The following TACC3 variants were observed in gnomAD, a reference collection of about 807,000 sequenced individuals.
TACC3 encodes transforming acidic coiled-coil-containing protein 3.
TACC3 carries 52 observed loss-of-function variants against 86.0 expected under a neutral mutation model. That is an observed-to-expected ratio of 0.60 (90% CI 0.48 to 0.76). The LOEUF is 0.76. Among genes scored for constraint, TACC3 ranks in the 30% least tolerant of loss-of-function variants. The pLI is 0.00. For missense variants in TACC3, 1,120 were observed against 1,070.4 expected, an observed-to-expected ratio of 1.05 and a Z score of -0.65; for synonymous variants, 512 against 430.0, an observed-to-expected ratio of 1.19 and a Z score of -2.36.
upstream of TACC3, chr4:1,720,773 G>C (rs1337904370): frequency 1.3e-6 from 2 of 1,593,022 alleles, no homozygotes; most frequent in Non-Finnish European, 1.7e-6. This position sits in a 1 kb window ranked among gnomAD's most constrained non-coding sequence, Gnocchi z 4.4. Context: ...CTCGTTGGGC[G>C]TGAACACGAA....
At position 1,735,602 on chromosome 4, in the gene TACC3, T is replaced by TGGGTGACCGGGGGTGGGAGTGTGC. The variant is rs367567812; in HGVS notation, c.1645-104_1645-81dup. The TGGGTGACCGGGGGTGGGAGTGTGC allele has an allele frequency of 1.5e-5, 12 of 816,966 alleles. No homozygotes were observed. The East Asian group carries it at 1.5e-4, about 10-fold the overall frequency. The allele number at this position is 816,966 out of a possible 1,614,324, so 50.6% of individuals were successfully genotyped here. A position where few individuals can be genotyped will look rare whatever the true frequency, so the allele number is the denominator to read the frequency against. On this transcript the variant is annotated intron_variant, in intron 7 of 15. Coordinates refer to ENST00000313288, the MANE Select transcript of TACC3 (RefSeq NM_006342.3). The surrounding 1 kb of genome is among the most constrained non-coding windows in gnomAD (Gnocchi z 4.2). ...AATGGTGGTGTCTCGGGCAGGGTTG[T>TGGGTGACCGGGGGTGGGAGTGTGC]GGGTGACCGGGGGTGGGAGTGTGCG...
upstream of TACC3, chr4:1,720,721 G>A: frequency 5.8e-6 from 9 of 1,562,852 alleles, no homozygotes; most frequent in Non-Finnish European, 7.8e-6. The surrounding 1 kb of genome is among the most constrained non-coding windows in gnomAD (Gnocchi z 4.4). Context: ...TGCCCAGCCA[G>A]CCCGACAGCA....
At chr4:1,739,593 G>A (rs989587057) in intron 10 of TACC3, 109 bp from the exon 11 acceptor site, 1 of 1,023,860 alleles carries the variant, frequency 9.8e-7, no homozygotes, top group South Asian at 1.5e-5. Context: ...CTGTGCCTCT[G>A]GGACATTGCT....
chr4:1,739,665 G>T, intron 10 of TACC3, 37 bp from the exon 11 acceptor site: 1 of 1,551,882 alleles, frequency 6.4e-7, no homozygotes, highest in Non-Finnish European at 8.7e-7. Context: ...GGTCAGTCTG[G>T]CCCGCCTGCC....
At position 1,729,261 on chromosome 4, in the gene TACC3, G is replaced by C. The variant is rs140168411; in HGVS notation, c.1385+474G>C. 4.5e-3 allele frequency among the ~76,000 whole-genome samples: 682 copies of C among 152,252 alleles called. 4 individuals are homozygous for C. Among genetic ancestry groups the C allele is most frequent in the African/African-American group, 0.016 (658 of 41,532 alleles). On this transcript the variant is annotated intron_variant, in intron 4 of 15. Coordinates refer to ENST00000313288, the MANE Select transcript of TACC3 (RefSeq NM_006342.3). ...GAGTTGCTCAGTGGGAGATTGTCCT[G>C]CCTGTAGGGTCCAGCCCTACTGGGT... is the stretch of plus-strand genomic sequence containing the variant.
chr4:1,728,211 G>T lies in TACC3; in HGVS notation c.809G>T (p.Gly270Val). Reference sequence around the variant, plus strand: ...GGAGCACCCCTGCAGGGTCTGCCTGGCGAAGCCCTGGGCTGCCCTGCGGGT... The same window carrying T: ...GGAGCACCCCTGCAGGGTCTGCCTGTCGAAGCCCTGGGCTGCCCTGCGGGT... ...CGGAPLQGLPGEALGCPAGVG... is the reference protein window; with the variant it reads ...CGGAPLQGLPVEALGCPAGVG... Residue 270 changes from glycine to valine, a missense_variant, in exon 4 of 16, where the codon GGC becomes GTC. Gly to Val is a moderately radical substitution (Grantham distance 109). Coordinates refer to ENST00000313288, the MANE Select transcript of TACC3 (RefSeq NM_006342.3). 2 of 1,611,912 alleles carry T rather than the reference G, an allele frequency of 1.2e-6. No homozygotes were observed. Among genetic ancestry groups the T allele is most frequent in the Non-Finnish European group, 1.7e-6 (2 of 1,179,608 alleles).
In TACC3 at chr4:1,744,747, CCCAGGCGGAAGCGTTGGCCCT is replaced by C; in HGVS notation, c.2373_2393del (p.Glu792_Ala798del). On this transcript the variant is annotated inframe_deletion, in exon 15 of 16. Coordinates refer to ENST00000313288, the MANE Select transcript of TACC3 (RefSeq NM_006342.3). ...GAGATCGCCCAGGTCCGGAGCAAGG[CCCAGGCGGAAGCGTTGGCCCT>C]CCAGGCCAGCCTGAGGAAGGAGCAG... 2 of 1,612,692 alleles carry C rather than the reference CCCAGGCGGAAGCGTTGGCCCT, an allele frequency of 1.2e-6. No homozygotes were observed. Among genetic ancestry groups the C allele is most frequent in the Non-Finnish European group, 8.5e-7 (1 of 1,179,992 alleles).
At chr4:1,731,408 G>A (rs1210216356) in intron 6 of TACC3, 107 bp downstream of exon 6, 2 of 1,368,936 alleles carry the variant, frequency 1.5e-6, no homozygotes, top group South Asian at 1.3e-5. Context: ...CATTTCGCAG[G>A]CAGTTGGGTC....
Position 1,735,283 on chromosome 4 carries a change from G to C in TACC3, c.1602G>C (p.Thr534=), listed in dbSNP as rs1421884078. The C allele has an allele frequency of 2.5e-6, 4 of 1,614,030 alleles. No homozygotes were observed. The highest frequency in any genetic ancestry group is 3.4e-6 in the Non-Finnish European group (4 of 1,180,026). Residue 534 remains threonine (T), a synonymous_variant, in exon 7 of 16, where the codon ACG becomes ACC. Coordinates refer to ENST00000313288, the MANE Select transcript of TACC3 (RefSeq NM_006342.3). The surrounding 1 kb of genome is among the most constrained non-coding windows in gnomAD (Gnocchi z 4.2). ...SFRDPAEVLG[T]GAEVDYLEQF... The stretch of plus-strand genomic sequence containing the variant: ...ATTCACTCCTCTCAGTTCTAGGCAC[G>C]GGCGCGGAGGTGGATTACCTGGAGC...
chr4:1,729,858 C>G (rs769125872), intron 4 of TACC3, among the ~76,000 whole-genome samples: 2 of 152,054 alleles, frequency 1.3e-5, no homozygotes, highest in Non-Finnish European at 2.9e-5. Context: ...CTGGTGCTAC[C>G]GCTAGACCAA....
At chr4:1,736,440 A>AAC (rs1718268786) in intron 8 of TACC3, among the ~76,000 whole-genome samples, 3 of 151,422 alleles carry the variant, frequency 2.0e-5, no homozygotes, top group Non-Finnish European at 2.9e-5. Flanking sequence ...AAAAAAAAAA[A>AAC]AAAAACCAAA....
Position 1,728,212 on chromosome 4 carries a change from C to T in TACC3, c.810C>T (p.Gly270=), listed in dbSNP as rs1277292847. The T allele has an allele frequency of 4.3e-6, 7 of 1,611,758 alleles. No individual in the cohort carries two copies. Among genetic ancestry groups the T allele is most frequent in the South Asian group, 1.1e-5 (1 of 90,952 alleles). Residue 270 remains glycine, a synonymous_variant, in exon 4 of 16, where the codon GGC becomes GGT. Coordinates refer to ENST00000313288, the MANE Select transcript of TACC3 (RefSeq NM_006342.3). The part of the protein sequence containing the change: ...CGGAPLQGLP[G]EALGCPAGVG... The stretch of plus-strand genomic sequence containing the variant: ...GAGCACCCCTGCAGGGTCTGCCTGG[C>T]GAAGCCCTGGGCTGCCCTGCGGGTG...
chr4:1,730,558 A>T, intron 4 of TACC3: 1 of 469,414 alleles, frequency 2.1e-6, no homozygotes, highest in Non-Finnish European at 4.2e-6. Flanking sequence ...CCCAGCCTCC[A>T]CATTTGAAGC....
chr4:1,744,814 G>C lies in TACC3; in HGVS notation c.2433G>C (p.Glu811Asp), dbSNP rs769372485. The C allele has an allele frequency of 2.5e-6, 4 of 1,612,960 alleles. No homozygotes were observed. The South Asian group carries it at 3.3e-5, about 13-fold the overall frequency. The change falls in exon 15 of 16, where the codon GAG (glutamate) becomes GAC (aspartate). Residue 811 changes from glutamate to aspartate, a missense_variant. By Grantham distance (45) the Glu-to-Asp change is conservative. Transcript: ENST00000313288. ...RKEQMRIQSL[E>D]KTVEQKTKEN... is the part of the protein sequence containing the mutation. The stretch of plus-strand genomic sequence containing the variant: ...AGCAGATGCGCATCCAGTCGCTGGA[G>C]AAGACAGTGGAGCAGAAGGTGGGTG...
intron 8 of TACC3, 94 bp from the exon 9 acceptor site, chr4:1,737,147 G>A (rs923534113): frequency 5.1e-5 from 54 of 1,063,816 alleles, no homozygotes; most frequent in Non-Finnish European, 7.3e-5. Flanking sequence ...AAACTAAAAA[G>A]CAAAGAGCCC....
chr4:1,731,429 G>A (rs529941422), intron 6 of TACC3, 128 bp downstream of exon 6: 2 of 1,075,278 alleles, frequency 1.9e-6, no homozygotes, highest in South Asian at 3.0e-5. Context: ...CCTTGACTTT[G>A]AATGACTCAT....
chr4:1,721,272 C>G (rs1717327006), upstream of TACC3: 1 of 153,382 alleles, frequency 6.5e-6, no homozygotes, highest in East Asian at 2.0e-4. Flanking sequence ...GCGTCAGTTG[C>G]GGAACTCGAA....
intron 6 of TACC3, among the ~76,000 whole-genome samples, chr4:1,733,506 T>TC (rs1256356125): frequency 4.8e-5 from 3 of 62,288 alleles, no homozygotes; most frequent in Non-Finnish European, 1.2e-4. Flanking sequence ...AAACCTTTTT[T>TC]TTTATTACCT....
chr4:1,731,293 C>T lies in TACC3; in HGVS notation c.1583C>T (p.Pro528Leu). The stretch of plus-strand genomic sequence containing the variant: ...CTGAAAGAGGAGAGCTTCAGAGACC[C>T]CGCTGAGGGTACGTTGCCTGGCACA... ...LELKEESFRDPAEVLGTGAEV... is the reference protein window; with the variant it reads ...LELKEESFRDLAEVLGTGAEV... The change falls in exon 6 of 16, where the codon CCC becomes CTC. Residue 528 changes from proline (P) to leucine (L), a missense_variant. Coordinates refer to ENST00000313288, the MANE Select transcript of TACC3 (RefSeq NM_006342.3). 1 of 1,613,178 alleles carries T rather than the reference C, an allele frequency of 6.2e-7. No individual in the cohort carries two copies. The highest frequency in any genetic ancestry group is 8.5e-7 in the Non-Finnish European group (1 of 1,180,006).
Sources: allele counts gnomAD v4.1 joint callset (sites outside exome capture counted in the v4.1 genomes callset), GRCh38; gene constraint gnomAD v4.1.1; non-coding constraint Gnocchi (gnomAD v3.1); transcripts MANE v1.5; gene names NCBI Gene and HGNC (gene_info 2026-07-23, HGNC 2026-07-21).